VWA3B: variants seen among roughly 807,000 people sequenced by gnomAD.
The protein encoded by VWA3B is von Willebrand factor A domain-containing protein 3B.
Under a neutral mutation model 158.3 loss-of-function variants are expected in VWA3B, and 138 were observed. The observed-to-expected ratio is 0.87, with a 90% CI of 0.76 to 1.00. The LOEUF (loss-of-function observed/expected upper bound fraction) is 1.00. Among genes scored for constraint, VWA3B ranks in the 50% least tolerant of loss-of-function variants. VWA3B has a pLI of 0.00. For missense variants in VWA3B, 1,555 were observed against 1,565.1 expected (o/e 0.99, Z 0.11); for synonymous variants, 596 against 587.3 (o/e 1.01, Z -0.21).
At chr2:98,111,364 A>C (rs1674121150) in intron 2 of VWA3B, among the ~76,000 whole-genome samples, 1 of 152,188 alleles carries the variant, frequency 6.6e-6, no homozygotes, top group Non-Finnish European at 1.5e-5. Flanking sequence ...TACTACAGCA[A>C]ACATATAAGG....
At chr2:98,323,219 G>T in the VWA3B span, among the ~76,000 whole-genome samples, 2 of 152,006 alleles carry the variant, frequency 1.3e-5, no homozygotes, top group South Asian at 2.1e-4. Context: ...TGAAGAAATG[G>T]GTAATCTCAA....
intron 16 of VWA3B, among the ~76,000 whole-genome samples, chr2:98,232,283 T>TC (rs1159840865): frequency 2.0e-5 from 3 of 152,242 alleles, no homozygotes; most frequent in Non-Finnish European, 4.4e-5. Flanking sequence ...GTTTATTATA[T>TC]CCCTTTGTTA....
intron 5 of VWA3B, among the ~76,000 whole-genome samples, chr2:98,126,934 AC>A (rs1479455227): frequency 6.7e-6 from 1 of 149,668 alleles, no homozygotes; most frequent in African/African-American, 2.5e-5. Context: ...CAGGCAGAGC[AC>A]CCCAACCAAC....
the VWA3B span, among the ~76,000 whole-genome samples, chr2:98,328,142 G>A: frequency 6.6e-6 from 1 of 152,094 alleles, no homozygotes; most frequent in East Asian, 1.9e-4. Context: ...ATAAAGTTTT[G>A]TGTGTGTTAC....
chr2:98,249,487 C>T (rs942434922), intron 19 of VWA3B, among the ~76,000 whole-genome samples: 1 of 152,204 alleles, frequency 6.6e-6, no homozygotes, highest in Admixed American at 6.5e-5. Flanking sequence ...TTGAATACAA[C>T]TGTAAGTCTT....
chr2:98,179,972 C>G (rs1042012890), intron 8 of VWA3B, among the ~76,000 whole-genome samples: 1 of 136,644 alleles, frequency 7.3e-6, no homozygotes, highest in African/African-American at 2.8e-5. Context: ...TTTCCTTCAT[C>G]TATCTCCTTC....
downstream of VWA3B, among the ~76,000 whole-genome samples, chr2:98,315,615 C>G (rs2106037646): frequency 6.6e-6 from 1 of 152,346 alleles, no homozygotes. Flanking sequence ...TCCTTTCCAA[C>G]TCTAGGAGTC....
At chr2:98,272,146 T>C (rs950845010) in intron 22 of VWA3B, among the ~76,000 whole-genome samples, 19 of 152,114 alleles carry the variant, frequency 1.2e-4, no homozygotes, top group Non-Finnish European at 7.4e-5. Flanking sequence ...GAGGGCTCAG[T>C]CCCCAAGACT....
At chr2:98,274,944 G>A (rs1455219273) in intron 22 of VWA3B, among the ~76,000 whole-genome samples, 2 of 152,200 alleles carry the variant, frequency 1.3e-5, no homozygotes, top group East Asian at 1.9e-4. Flanking sequence ...AGGAGCAGAA[G>A]CACTGCTACC....
chr2:98,229,777 G>A (rs1463820108), intron 15 of VWA3B, among the ~76,000 whole-genome samples: 2 of 152,170 alleles, frequency 1.3e-5, no homozygotes, highest in Non-Finnish European at 2.9e-5. Context: ...GAAGTTTAGA[G>A]AGGATTGAGT....
At chr2:98,110,080 C>CTTTT (rs541914854) in intron 2 of VWA3B, among the ~76,000 whole-genome samples, 2 of 145,040 alleles carry the variant, frequency 1.4e-5, no homozygotes, top group Non-Finnish European at 3.0e-5. Context: ...TCTTTGAATT[C>CTTTT]TTTTTTTTTT....
chr2:98,116,661 C>T (rs532205322), intron 3 of VWA3B, among the ~76,000 whole-genome samples: 1 of 152,306 alleles, frequency 6.6e-6, no homozygotes, highest in Non-Finnish European at 1.5e-5. Context: ...CGTGTGCCAT[C>T]ACACCCAGCT....
chr2:98,107,712 T>C (rs926657252), intron 2 of VWA3B, among the ~76,000 whole-genome samples: 18 of 152,124 alleles, frequency 1.2e-4, no homozygotes, highest in Non-Finnish European at 2.1e-4. Flanking sequence ...TTTTGTGGTA[T>C]TTCCCATTTT....
At chr2:98,205,314 C>G (rs1192207895) in intron 12 of VWA3B, among the ~76,000 whole-genome samples, 1 of 152,114 alleles carries the variant, frequency 6.6e-6, no homozygotes, top group African/African-American at 2.4e-5. Flanking sequence ...AATTTATGAG[C>G]ATAAAGTTTT....
chr2:98,219,819 T>C (rs756265380), intron 14 of VWA3B, among the ~76,000 whole-genome samples: 1 of 152,146 alleles, frequency 6.6e-6, no homozygotes, highest in Non-Finnish European at 1.5e-5. Context: ...ATAGAGCCTA[T>C]GCGGACTGAA....
chr2:98,165,128 T>C (rs1678959048), intron 8 of VWA3B, among the ~76,000 whole-genome samples: 1 of 152,244 alleles, frequency 6.6e-6, no homozygotes, highest in Non-Finnish European at 1.5e-5. Flanking sequence ...TGGCCTTTCC[T>C]CTGTAAGGTG....
intron 19 of VWA3B, among the ~76,000 whole-genome samples, chr2:98,237,124 G>A (rs534569680): frequency 3.9e-5 from 6 of 152,218 alleles, no homozygotes; most frequent in African/African-American, 1.2e-4. Flanking sequence ...TGCAGTGAGC[G>A]GTGATTGCGT....
Position 98,298,165 on chromosome 2 carries a change from G to C in VWA3B, c.3282+134G>C, listed in dbSNP as rs919266270. 5.0e-6 allele frequency: 6 copies of C among 1,192,706 alleles called. No individual in the cohort carries two copies. In the African/African-American group the frequency reaches 7.9e-5, roughly 16 times the overall value. The allele number at this position is 1,192,706 out of a possible 1,614,324, so 73.9% of individuals were successfully genotyped here. A position where few individuals can be genotyped will look rare whatever the true frequency, so the allele number is the denominator to read the frequency against. On this transcript the variant is annotated intron_variant, in intron 24 of 27. Transcript: ENST00000477737. ...CTGCAGGGAGGGTGTGTTTGGGCAG[G>C]AAGAACAATGGCCCCTGTTCTGGGA...
In VWA3B at chr2:98,212,016, G is replaced by A. The variant is rs759340880; in HGVS notation, c.1824G>A (p.Gly608=). 3.7e-6 allele frequency: 6 copies of A among 1,614,042 alleles called. No homozygotes were observed. The highest frequency in any genetic ancestry group is 4.2e-6 in the Non-Finnish European group (5 of 1,179,938). The change falls in exon 13 of 28, where the codon GGG becomes GGA. Residue 608 remains glycine (G), a synonymous_variant. Coordinates refer to ENST00000477737, the MANE Select transcript of VWA3B (RefSeq NM_144992.5). ...ETQAIYLLTD[G]RPDQPPETVI... ...AGGCAATCTACCTTCTGACCGATGG[G>A]AGACCTGATCAGGTACTTACCAGAG...
Sources: gnomAD v4.1 joint callset for allele counts (sites outside exome capture counted in the v4.1 genomes callset) on GRCh38, gnomAD v4.1.1 for gene constraint, MANE v1.5 for transcripts, NCBI Gene and HGNC (gene_info 2026-07-23, HGNC 2026-07-21) for gene names.